Variants in ITGBL1 observed in about 807,000 individuals in gnomAD.
The protein encoded by ITGBL1 is integrin beta-like protein 1.
In ITGBL1, 51 loss-of-function variants were observed where a neutral mutation model predicts 68.5. The ratio of observed to expected loss-of-function variants is 0.74; its 90% CI spans 0.59 to 0.94. The LOEUF (loss-of-function observed/expected upper bound fraction) is 0.94, where lower values mean the gene tolerates loss of function less well. Ranked by LOEUF, ITGBL1 falls within the 40% of genes least tolerant of loss-of-function variation. The pLI is 0.00. For missense variants in ITGBL1, 649 were observed against 647.4 expected, an observed-to-expected ratio of 1.00 and a Z score of -0.03; for synonymous variants, 209 against 227.3, an observed-to-expected ratio of 0.92 and a Z score of 0.72.
At chr13:101,461,186 T>C (rs2048312809) in intron 2 of ITGBL1, among the ~76,000 whole-genome samples, 2 of 152,222 alleles carry the variant, frequency 1.3e-5, no homozygotes, top group Admixed American at 6.5e-5. Flanking sequence ...TTTATTTGTA[T>C]TACAAATTTT....
At chr13:101,491,347 A>G (rs984914383) in intron 2 of ITGBL1, among the ~76,000 whole-genome samples, 1 of 152,228 alleles carries the variant, frequency 6.6e-6, no homozygotes, top group Non-Finnish European at 1.5e-5. Context: ...TAAAGCAGAT[A>G]GCTTCCAAAT....
At chr13:101,656,450 T>C (rs1211201255) in intron 7 of ITGBL1, among the ~76,000 whole-genome samples, 2 of 152,208 alleles carry the variant, frequency 1.3e-5, no homozygotes, top group African/African-American at 4.8e-5. Context: ...TGTTTTGTAA[T>C]GTTATGCCTG....
Position 101,567,532 on chromosome 13 carries a change from C to T in ITGBL1, c.317-167C>T, listed in dbSNP as rs558254177. ...CTATTGAAATAAAATTTTCATATTC[C>T]ATTGCATTTTATATAATAGCATTAC... On this transcript the variant is annotated intron_variant, in intron 2 of 10. Transcript: ENST00000376180. 2.6e-5 allele frequency among the ~76,000 whole-genome samples: 4 copies of T among 151,944 alleles called. No individual in the cohort carries two copies. In the South Asian group the frequency reaches 8.3e-4, roughly 32 times the overall value.
chr13:101,612,043 C>T (rs2031153607), intron 7 of ITGBL1, among the ~76,000 whole-genome samples: 1 of 152,126 alleles, frequency 6.6e-6, no homozygotes, highest in African/African-American at 2.4e-5. Context: ...TGGAATATAA[C>T]AATTTAAGAT....
At chr13:101,545,020 C>T (rs754459730) in intron 2 of ITGBL1, among the ~76,000 whole-genome samples, 1 of 152,170 alleles carries the variant, frequency 6.6e-6, no homozygotes, top group Non-Finnish European at 1.5e-5. Flanking sequence ...GATTCCTCAC[C>T]CTGCTTCAGC....
intron 7 of ITGBL1, among the ~76,000 whole-genome samples, chr13:101,655,135 A>C (rs1374524766): frequency 6.6e-6 from 1 of 152,196 alleles, no homozygotes; most frequent in African/African-American, 2.4e-5. Flanking sequence ...GGAATGATGC[A>C]CTTGCTTAAA....
At chr13:101,616,856 T>G (rs919804656) in intron 7 of ITGBL1, among the ~76,000 whole-genome samples, 1 of 152,184 alleles carries the variant, frequency 6.6e-6, no homozygotes, top group Admixed American at 6.6e-5. Context: ...TGCATTGTAA[T>G]GAGGGAGTTG....
intron 5 of ITGBL1, among the ~76,000 whole-genome samples, chr13:101,581,667 C>T (rs202145699): frequency 2.4e-4 from 37 of 152,228 alleles, no homozygotes; most frequent in East Asian, 9.6e-4. Context: ...ACCATTACTG[C>T]GCTAATTCCC....
At chr13:101,699,828 A>C (rs1168740964) in intron 8 of ITGBL1, among the ~76,000 whole-genome samples, 1 of 152,214 alleles carries the variant, frequency 6.6e-6, no homozygotes, top group African/African-American at 2.4e-5. Context: ...TGGTGAGACA[A>C]AAGATGAATA....
chr13:101,619,687 T>C (rs2031507302), intron 7 of ITGBL1, among the ~76,000 whole-genome samples: 1 of 152,208 alleles, frequency 6.6e-6, no homozygotes, highest in Non-Finnish European at 1.5e-5. Context: ...TTTGGACATA[T>C]TCTTTGGCAT....
intron 4 of ITGBL1, among the ~76,000 whole-genome samples, chr13:101,576,926 A>G (rs1009720940): frequency 2.0e-5 from 3 of 149,760 alleles, no homozygotes; most frequent in Non-Finnish European, 4.4e-5. Context: ...TGTCCTCTTG[A>G]TGTTTAGTTT....
At chr13:101,549,954 A>G (rs1209878812) in intron 2 of ITGBL1, among the ~76,000 whole-genome samples, 1 of 152,206 alleles carries the variant, frequency 6.6e-6, no homozygotes, top group Non-Finnish European at 1.5e-5. Context: ...CTGCACAAAG[A>G]TGCTCCTGTA....
intron 2 of ITGBL1, among the ~76,000 whole-genome samples, chr13:101,511,742 T>A (rs9585717): frequency 0.37 from 56,146 of 151,950 alleles, 10,956 homozygotes; most frequent in Non-Finnish European, 0.43. Context: ...TCTACCCCGT[T>A]CAAGTCTCCA....
intron 7 of ITGBL1, among the ~76,000 whole-genome samples, chr13:101,657,873 G>T (rs1024413846): frequency 1.3e-5 from 2 of 152,168 alleles, no homozygotes; most frequent in Non-Finnish European, 2.9e-5. Flanking sequence ...GGCAGAGCAA[G>T]GGTCCCCAGC....
chr13:101,620,975 A>G (rs1194152011), intron 7 of ITGBL1, among the ~76,000 whole-genome samples: 1 of 151,982 alleles, frequency 6.6e-6, no homozygotes, highest in Non-Finnish European at 1.5e-5. Flanking sequence ...TTGACCTTCC[A>G]CCTTTCCTCT....
At chr13:101,526,307 C>G (rs574966076) in intron 2 of ITGBL1, among the ~76,000 whole-genome samples, 76 of 152,044 alleles carry the variant, frequency 5.0e-4, no homozygotes, top group African/African-American at 1.8e-3. Flanking sequence ...CCTTCCCTAG[C>G]CCCCCACCCC....
chr13:101,528,341 G>A (rs1044633463), intron 2 of ITGBL1, among the ~76,000 whole-genome samples: 2 of 151,574 alleles, frequency 1.3e-5, no homozygotes, highest in Non-Finnish European at 3.0e-5. Flanking sequence ...TTAGAATATT[G>A]TAATTTGTTT....
At chr13:101,495,372 T>C (rs1201656791) in intron 2 of ITGBL1, among the ~76,000 whole-genome samples, 1 of 152,162 alleles carries the variant, frequency 6.6e-6, no homozygotes, top group Admixed American at 6.5e-5. Context: ...ATGCTCTGTC[T>C]GTATTCCACA....
At chr13:101,652,021 T>C (rs1435579368) in intron 7 of ITGBL1, among the ~76,000 whole-genome samples, 1 of 152,198 alleles carries the variant, frequency 6.6e-6, no homozygotes, top group African/African-American at 2.4e-5. Flanking sequence ...TTCTGTTGCA[T>C]TGGTCTATGT....
Sources: gnomAD v4.1 joint callset for allele counts (sites outside exome capture counted in the v4.1 genomes callset) on GRCh38, gnomAD v4.1.1 for gene constraint, MANE v1.5 for transcripts, NCBI Gene and HGNC (gene_info 2026-07-23, HGNC 2026-07-21) for gene names.